The following CA3 variants were observed in gnomAD, a reference collection of about 807,000 sequenced individuals.
CA3 encodes the protein carbonic anhydrase 3.
A neutral mutation model predicts 35.7 loss-of-function variants in CA3; 30 were observed. That is an observed-to-expected ratio of 0.84 (90% CI 0.63 to 1.14). The LOEUF is 1.14. Among genes scored for constraint, CA3 ranks in the 50% most tolerant of loss-of-function variants. CA3 has a pLI of 0.00. For missense variants in CA3, 295 were observed against 328.5 expected (o/e 0.90, Z 0.79); for synonymous variants, 131 against 130.8 (o/e 1.00, Z -0.01).
rs771255052 is a variant in CA3 at position 85,445,248 on chromosome 8, C to T, written c.507+30C>T. The T allele has an allele frequency of 5.0e-6, 7 of 1,401,144 alleles. No homozygotes were observed. The South Asian group carries it at 6.2e-5, about 12-fold the overall frequency. The allele number at this position is 1,401,144 out of a possible 1,614,324, so 86.8% of individuals were successfully genotyped here. A position where few individuals can be genotyped will look rare whatever the true frequency, so the allele number is the denominator to read the frequency against. On this transcript the variant is annotated intron_variant, in intron 5 of 6. Transcript: ENST00000285381. The stretch of plus-strand genomic sequence containing the variant: ...ACAAAAATCATTTTCCCTCCTAAAA[C>T]ATAAAGCAGATTATGCAGATTTTCT...
chr8:85,444,302 CT>C (rs1247878611), intron 4 of CA3, among the ~76,000 whole-genome samples, 176 bp downstream of exon 4: 10 of 152,178 alleles, frequency 6.6e-5, no homozygotes, highest in Non-Finnish European at 1.3e-4. Flanking sequence ...TTACTTTTCT[CT>C]AAAAGTGTAT....
chr8:85,447,944 A>G, intron 6 of CA3, 90 bp from the exon 7 acceptor site: 1 of 1,248,430 alleles, frequency 8.0e-7, no homozygotes, highest in Non-Finnish European at 1.1e-6. Context: ...AACAACAAAA[A>G]AAACCCCAGC....
intron 6 of CA3, 49 bp from the exon 7 acceptor site, chr8:85,447,985 T>G (rs756979517): frequency 6.3e-7 from 1 of 1,577,794 alleles, no homozygotes; most frequent in East Asian, 2.3e-5. Context: ...ACGTAGTGTG[T>G]CCAGTTGATC....
chr8:85,441,090 C>T (rs1485292318), intron 2 of CA3, among the ~76,000 whole-genome samples: 1 of 152,172 alleles, frequency 6.6e-6, no homozygotes, highest in African/African-American at 2.4e-5. Context: ...CCATTTCTAC[C>T]TGAACAAACT....
At chr8:85,439,284 C>A (rs1200440850) in intron 1 of CA3, among the ~76,000 whole-genome samples, 1 of 152,106 alleles carries the variant, frequency 6.6e-6, no homozygotes, top group African/African-American at 2.4e-5. Flanking sequence ...AAGCACCTAA[C>A]CTGAGCTTGG....
At chr8:85,445,840 A>G (rs575513879) in intron 5 of CA3, among the ~76,000 whole-genome samples, 108 of 152,314 alleles carry the variant, frequency 7.1e-4, no homozygotes, top group African/African-American at 2.1e-3. Context: ...AAATAATTCA[A>G]TTACACTTGA....
At chr8:85,446,376 G>C in intron 6 of CA3, 79 bp downstream of exon 6, 1 of 1,475,694 alleles carries the variant, frequency 6.8e-7, no homozygotes. Context: ...AAAATACATA[G>C]CTACTAACTG....
chr8:85,439,885 T>G lies in CA3; in HGVS notation c.208T>G (p.Phe70Val). 6.2e-7 allele frequency: 1 copy of G among 1,613,218 alleles called. No homozygotes were observed. Among genetic ancestry groups the G allele is most frequent in the Non-Finnish European group, 8.5e-7 (1 of 1,179,856 alleles). The stretch of plus-strand genomic sequence containing the variant: ...TAATGGGAAGACCTGCCGAGTTGTA[T>G]TTGATGATACTTATGATAGGTCAAG... The part of the protein sequence containing the change: ...LNNGKTCRVV[F>V]DDTYDRSMLR... The change falls in exon 2 of 7, where the codon TTT becomes GTT. Residue 70 changes from phenylalanine (F) to valine (V), a missense_variant. Physicochemically the swap from Phe to Val is conservative, Grantham distance 50. Transcript: ENST00000285381.
At chr8:85,441,969 C>T in intron 2 of CA3, 104 bp from the exon 3 acceptor site, 1 of 737,484 alleles carries the variant, frequency 1.4e-6, no homozygotes, top group South Asian at 1.5e-5. Context: ...AGCAAACTGA[C>T]CACATTTTGT....
chr8:85,443,098 A>G (rs368745064), intron 3 of CA3, among the ~76,000 whole-genome samples: 3 of 152,180 alleles, frequency 2.0e-5, no homozygotes, highest in East Asian at 1.9e-4. Flanking sequence ...GTGTGTGTGT[A>G]TATCTATATA....
rs113988139 is a variant in CA3, at chr8:85,447,900, AAAAC to A, written c.664-110_664-107del. On this transcript the variant is annotated intron_variant, in intron 6 of 6. Transcript: ENST00000285381. ...GGCTACAGAGCGAGACTCTGTCTCA[AAAAC>A]AAACAAACAAACAAACAAACAAAAA... The A allele has an allele frequency of 1.1e-3, 961 of 847,220 alleles. 3 individuals are homozygous for A. The highest frequency in any genetic ancestry group is 4.4e-3 in the South Asian group (204 of 46,650). The allele number at this position is 847,220 out of a possible 1,614,324, so 52.5% of individuals were successfully genotyped here.
intron 5 of CA3, 39 bp downstream of exon 5, chr8:85,445,257 G>T (rs2130507610): frequency 7.7e-7 from 1 of 1,292,312 alleles, no homozygotes; most frequent in Non-Finnish European, 1.1e-6. Context: ...ACATAAAGCA[G>T]ATTATGCAGA....
In CA3 at chr8:85,448,386, C is replaced by T; in HGVS notation, c.*233C>T. 3.2e-6 allele frequency: 1 copy of T among 315,678 alleles called. No homozygotes were observed. The highest frequency in any genetic ancestry group is 5.7e-6 in the Non-Finnish European group (1 of 176,156). 19.6% of individuals were successfully genotyped at this position (315,678 alleles called of 1,614,324 possible). ...TTTGATCTCTGTAATAATCATCTTT[C>T]CTATAAAAGTAGCATTTTTGGTAAA... On this transcript the variant is annotated 3_prime_UTR_variant, in exon 7 of 7. Transcript: ENST00000285381.
At chr8:85,446,368 A>G (rs1811291598) in intron 6 of CA3, 71 bp downstream of exon 6, 2 of 1,511,226 alleles carry the variant, frequency 1.3e-6, no homozygotes, top group Non-Finnish European at 9.0e-7. Context: ...CTAAATCAAA[A>G]ATACATAGCT....
intron 3 of CA3, 71 bp from the exon 4 acceptor site, chr8:85,443,963 A>C: frequency 9.5e-7 from 1 of 1,057,472 alleles, no homozygotes; most frequent in Non-Finnish European, 1.5e-6. Context: ...GATTGGGTTT[A>C]TTGTGGATAA....
chr8:85,444,902 G>A (rs1811260900), intron 4 of CA3, among the ~76,000 whole-genome samples: 1 of 152,164 alleles, frequency 6.6e-6, no homozygotes, highest in African/African-American at 2.4e-5. Context: ...TGCAGAGAAG[G>A]TCAAAGACAC....
intron 6 of CA3, 110 bp from the exon 7 acceptor site, chr8:85,447,924 C>A (rs1049890090): frequency 1.6e-5 from 17 of 1,040,404 alleles, no homozygotes; most frequent in East Asian, 1.3e-4. Context: ...AACAAACAAA[C>A]AAAAAAACCA....
chr8:85,448,192 C>T lies in CA3; in HGVS notation c.*39C>T. ...TGCCCTCTTCAGGAAAGGAAACCTA[C>T]CATTGGAGAGCTTGGTTCCTTGCCT... is the stretch of plus-strand genomic sequence containing the variant. On this transcript the variant is annotated 3_prime_UTR_variant, in exon 7 of 7. Coordinates refer to ENST00000285381, the MANE Select transcript of CA3 (RefSeq NM_005181.4). 6.3e-7 allele frequency: 1 copy of T among 1,591,484 alleles called. No homozygotes were observed. The highest frequency in any genetic ancestry group is 8.6e-7 in the Non-Finnish European group (1 of 1,168,754).
At position 85,441,947 on chromosome 8, in the gene CA3, C is replaced by T. The variant is rs1045810807; in HGVS notation, c.233-126C>T. 4 of 689,176 alleles carry T rather than the reference C, an allele frequency of 5.8e-6. No homozygotes were observed. In the African/African-American group the frequency reaches 7.0e-5, roughly 12 times the overall value. The allele number at this position is 689,176 out of a possible 1,614,324, so 42.7% of individuals were successfully genotyped here. On this transcript the variant is annotated intron_variant, in intron 2 of 6. Coordinates refer to ENST00000285381, the MANE Select transcript of CA3 (RefSeq NM_005181.4). Reference sequence around the variant, plus strand: ...GAGGAGTCCAGTGTCCTGGGAGTGGCACCATCCACCCAGCAAACTGACCAC... The same window carrying T: ...GAGGAGTCCAGTGTCCTGGGAGTGGTACCATCCACCCAGCAAACTGACCAC...
Sources: gnomAD v4.1 joint callset for allele counts (sites outside exome capture counted in the v4.1 genomes callset) on GRCh38, gnomAD v4.1.1 for gene constraint, MANE v1.5 for transcripts, NCBI Gene and HGNC (gene_info 2026-07-23, HGNC 2026-07-21) for gene names.